EEFSEC: variants seen among roughly 807,000 people sequenced by gnomAD.
EEFSEC encodes the protein eukaryotic elongation factor, selenocysteine-tRNA specific, also known as selenocysteine-specific elongation factor.
In EEFSEC, 43 loss-of-function variants were observed where a neutral mutation model predicts 42.1. That is an observed-to-expected ratio of 1.02 (90% CI 0.80 to 1.32). The LOEUF (loss-of-function observed/expected upper bound fraction) is 1.32. Ranked by LOEUF, EEFSEC falls within the 40% of genes most tolerant of loss-of-function variation. The probability of loss-of-function intolerance (pLI) is 0.00; values close to 1 mark genes in which losing one functional copy is unlikely to be tolerated. For missense variants in EEFSEC, 745 were observed against 803.6 expected, an observed-to-expected ratio of 0.93 and a Z score of 0.88; for synonymous variants, 354 against 339.1, an observed-to-expected ratio of 1.04 and a Z score of -0.48.
intron 1 of EEFSEC, among the ~76,000 whole-genome samples, chr3:128,169,403 C>A (rs1276388503): frequency 2.0e-5 from 3 of 152,190 alleles, no homozygotes; most frequent in Non-Finnish European, 4.4e-5. Context: ...TATATCTGGA[C>A]TCTCTGGAAG....
chr3:128,164,378 T>C (rs922131843), intron 1 of EEFSEC, among the ~76,000 whole-genome samples: 5 of 152,308 alleles, frequency 3.3e-5, no homozygotes, highest in African/African-American at 9.6e-5. Flanking sequence ...TGTGAGTACC[T>C]GCCTGGGGTG....
At chr3:128,356,464 G>A (rs1437191631) in intron 5 of EEFSEC, among the ~76,000 whole-genome samples, 1 of 152,180 alleles carries the variant, frequency 6.6e-6, no homozygotes, top group African/African-American at 2.4e-5. Context: ...GGCTGCAATT[G>A]TCACCCTTGC....
chr3:128,388,406 G>A (rs6765599), intron 6 of EEFSEC, among the ~76,000 whole-genome samples: 2 of 152,310 alleles, frequency 1.3e-5, no homozygotes. Flanking sequence ...CCAGGGTGGG[G>A]AACAGGGAAC....
intron 1 of EEFSEC, among the ~76,000 whole-genome samples, chr3:128,210,111 C>T (rs77854255): frequency 6.6e-6 from 1 of 152,154 alleles, no homozygotes; most frequent in East Asian, 1.9e-4. Flanking sequence ...AAAAAAGAAG[C>T]CCAGGGGAGA....
chr3:128,177,720 G>C lies in EEFSEC; in HGVS notation c.316+23897G>C, dbSNP rs563704589. ...TCTTTTTGTGTTTTGTTGCGGCATA[G>C]ATTGCTTAAACCAAGTGAGAAATAG... is the stretch of plus-strand genomic sequence containing the variant. On this transcript the variant is annotated intron_variant, in intron 1 of 6. Coordinates refer to ENST00000254730, the MANE Select transcript of EEFSEC (RefSeq NM_021937.5). Among the ~76,000 whole-genome samples, 7 of 152,272 alleles carry C rather than the reference G, an allele frequency of 4.6e-5. No homozygotes were observed. In the East Asian group the frequency reaches 1.3e-3, roughly 29 times the overall value.
intron 1 of EEFSEC, among the ~76,000 whole-genome samples, chr3:128,156,146 T>G (rs1210577470): frequency 6.6e-6 from 1 of 152,230 alleles, no homozygotes. Context: ...AAACTGGGCT[T>G]GAAGCCTAGC....
chr3:128,168,842 CTTTCTTTGAT>C (rs1481866303), intron 1 of EEFSEC, among the ~76,000 whole-genome samples: 1 of 152,206 alleles, frequency 6.6e-6, no homozygotes, highest in Non-Finnish European at 1.5e-5. Context: ...TGTTCCGTGG[CTTTCTTTGAT>C]TTATTTTCCC....
rs567271371 is a variant in EEFSEC, at chr3:128,381,774, C to T, written c.1600+23401C>T. ...TGGGGCCTGCAGGAAATGCAGGGCA[C>T]TTCTAAGGAAGCAGCACCCAGGAGA... is the stretch of plus-strand genomic sequence containing the variant. On this transcript the variant is annotated intron_variant, in intron 6 of 6. Transcript: ENST00000254730. 1.4e-4 allele frequency among the ~76,000 whole-genome samples: 21 copies of T among 152,276 alleles called. No individual in the cohort carries two copies. In the South Asian group the frequency reaches 1.7e-3, roughly 12 times the overall value.
chr3:128,176,211 C>A (rs1283298763), intron 1 of EEFSEC, among the ~76,000 whole-genome samples: 2 of 151,324 alleles, frequency 1.3e-5, no homozygotes, highest in Non-Finnish European at 1.5e-5. Flanking sequence ...GGAAGGCAGG[C>A]TAGATGGATG....
At chr3:128,300,487 G>A (rs1380274919) in intron 4 of EEFSEC, among the ~76,000 whole-genome samples, 1 of 143,024 alleles carries the variant, frequency 7.0e-6, no homozygotes, top group Non-Finnish European at 1.5e-5. Context: ...CAGCTACTCA[G>A]GAGGCTGAGG....
At chr3:128,362,021 A>G in intron 6 of EEFSEC, 1 of 317,782 alleles carries the variant, frequency 3.1e-6, no homozygotes, top group Non-Finnish European at 6.2e-6. Context: ...TGTCTGTGTC[A>G]CCTCACCCCT....
At chr3:128,363,295 C>T (rs1182703189) in intron 6 of EEFSEC, among the ~76,000 whole-genome samples, 2 of 152,222 alleles carry the variant, frequency 1.3e-5, no homozygotes, top group Non-Finnish European at 2.9e-5. Context: ...GAGGTGGGCA[C>T]TCAGCGCAAG....
In EEFSEC at chr3:128,335,742, G is replaced by C. The variant is rs528515780; in HGVS notation, c.787-5491G>C. Reference sequence around the variant, plus strand: ...GCTCTTGGAAGAACAGGCTGCGGGGGAGGGGGCAACAATCCAAGCCAGGTG... The same window carrying C: ...GCTCTTGGAAGAACAGGCTGCGGGGCAGGGGGCAACAATCCAAGCCAGGTG... On this transcript the variant is annotated intron_variant, in intron 4 of 6. Coordinates refer to ENST00000254730, the MANE Select transcript of EEFSEC (RefSeq NM_021937.5). 2.1e-4 allele frequency among the ~76,000 whole-genome samples: 32 copies of C among 152,294 alleles called. 1 individual carries two copies. The highest frequency in any genetic ancestry group is 7.5e-4 in the African/African-American group (31 of 41,546).
chr3:128,336,634 C>T (rs981047875), intron 4 of EEFSEC, among the ~76,000 whole-genome samples: 5 of 152,200 alleles, frequency 3.3e-5, no homozygotes, highest in Non-Finnish European at 7.3e-5. Flanking sequence ...GCCTGGAATC[C>T]CTGTGGGTGG....
At chr3:128,238,871 C>T (rs548462855) in intron 1 of EEFSEC, among the ~76,000 whole-genome samples, 10 of 152,314 alleles carry the variant, frequency 6.6e-5, no homozygotes, top group South Asian at 6.2e-4. Flanking sequence ...TAGTTACTTC[C>T]GGTTCTTGGA....
At chr3:128,385,150 C>A (rs1440312146) in intron 6 of EEFSEC, among the ~76,000 whole-genome samples, 1 of 152,216 alleles carries the variant, frequency 6.6e-6, no homozygotes, top group Non-Finnish European at 1.5e-5. Context: ...CCAGGCCACC[C>A]CAAGGTGTAG....
intron 4 of EEFSEC, among the ~76,000 whole-genome samples, chr3:128,337,533 C>T (rs1418136407): frequency 6.6e-6 from 1 of 152,180 alleles, no homozygotes; most frequent in Non-Finnish European, 1.5e-5. Context: ...CGCTCAAGCC[C>T]CGGCACGTCT....
intron 1 of EEFSEC, among the ~76,000 whole-genome samples, chr3:128,226,331 A>G (rs1012844667): frequency 2.0e-5 from 3 of 152,224 alleles, no homozygotes; most frequent in Non-Finnish European, 4.4e-5. Context: ...TGGGTGGGCC[A>G]CATGTGCTCT....
Position 128,280,078 on chromosome 3 carries a change from T to C in EEFSEC, c.786+15297T>C, listed in dbSNP as rs187682471. Among the ~76,000 whole-genome samples, 22 of 152,350 alleles carry C rather than the reference T, an allele frequency of 1.4e-4. No homozygotes were observed. In the East Asian group the frequency reaches 4.2e-3, roughly 29 times the overall value. On this transcript the variant is annotated intron_variant, in intron 4 of 6. Transcript: ENST00000254730. ...GTTCCTGGGCCCTTAATAAATGTCCTGTGAATAAATAAAATGCTAATTGCA... is the reference window on the plus strand; with the variant it reads ...GTTCCTGGGCCCTTAATAAATGTCCCGTGAATAAATAAAATGCTAATTGCA...
Sources: allele counts gnomAD v4.1 joint callset (sites outside exome capture counted in the v4.1 genomes callset), GRCh38; gene constraint gnomAD v4.1.1; transcripts MANE v1.5; gene names NCBI Gene and HGNC (gene_info 2026-07-23, HGNC 2026-07-21).